SHTN1: variants seen among roughly 807,000 people sequenced by gnomAD.
SHTN1 encodes shootin-1.
A neutral mutation model predicts 83.1 loss-of-function variants in SHTN1; 42 were observed. The observed-to-expected ratio is 0.51, with a 90% CI of 0.39 to 0.65. The LOEUF is 0.65. Ranked by LOEUF, SHTN1 falls within the 30% of genes least tolerant of loss-of-function variation. The probability of loss-of-function intolerance (pLI) is 0.00; values close to 1 mark genes in which losing one functional copy is unlikely to be tolerated. For synonymous variants in SHTN1, 224 were observed against 247.7 expected, an observed-to-expected ratio of 0.90 and a Z score of 0.90; for missense variants, 622 against 737.8, an observed-to-expected ratio of 0.84 and a Z score of 1.82.
intron 15 of SHTN1, among the ~76,000 whole-genome samples, chr10:116,903,603 G>A (rs1423755170): frequency 6.6e-6 from 1 of 152,116 alleles, no homozygotes; most frequent in African/African-American, 2.4e-5. Context: ...TACGACAGAA[G>A]GGCAGAACAG....
intron 16 of SHTN1, among the ~76,000 whole-genome samples, chr10:116,897,123 A>G (rs1393405446): frequency 6.6e-6 from 1 of 152,114 alleles, no homozygotes; most frequent in Non-Finnish European, 1.5e-5. Context: ...GCCTGTGATC[A>G]GGTACTTCTA....
upstream of SHTN1, among the ~76,000 whole-genome samples, chr10:117,009,061 G>A (rs1479603484): frequency 6.6e-6 from 1 of 152,126 alleles, no homozygotes; most frequent in African/African-American, 2.4e-5. Context: ...GTTGCAATGA[G>A]CCGAGATCGT....
In SHTN1 at chr10:116,885,900, T is replaced by C. The variant is rs982700713; in HGVS notation, c.*444A>G. The stretch of plus-strand genomic sequence containing the variant: ...TTTCCATGCTGCTGCAGTTTCTCCA[T>C]CAAGAGGATCAGACCCAAAACAGAA... On this transcript the variant is annotated 3_prime_UTR_variant, in exon 17 of 17. Transcript: ENST00000355371. 51 of 163,926 alleles carry C rather than the reference T, an allele frequency of 3.1e-4. No homozygotes were observed. The highest frequency in any genetic ancestry group is 9.3e-5 in the Non-Finnish European group (7 of 75,264). The allele number at this position is 163,926 out of a possible 1,614,324, so 10.2% of individuals were successfully genotyped here.
At chr10:116,948,115 C>G (rs1388663771) in intron 7 of SHTN1, among the ~76,000 whole-genome samples, 1 of 152,260 alleles carries the variant, frequency 6.6e-6, no homozygotes, top group Admixed American at 6.5e-5. Context: ...GTTCTTCTTA[C>G]CACTTCCAGA....
In SHTN1 at chr10:117,051,204, G is replaced by A. The variant is rs568519627; in HGVS notation, c.-188-2694C>T. 2.6e-5 allele frequency among the ~76,000 whole-genome samples: 4 copies of A among 152,250 alleles called. No homozygotes were observed. The East Asian group carries it at 7.7e-4, about 29-fold the overall frequency. ...ACACAAACTACCACAACTGACTCAA[G>A]AAGAAATAGAAAATCTCAATAGACC... On this transcript the variant is annotated intron_variant, in intron 1 of 17. Coordinates refer to the SHTN1 transcript ENST00000392901.
chr10:117,014,976 T>C (rs1471902477), intron 2 of SHTN1, among the ~76,000 whole-genome samples: 1 of 152,214 alleles, frequency 6.6e-6, no homozygotes, highest in Non-Finnish European at 1.5e-5. Context: ...TGAAATCCAA[T>C]GGGAAAGTTG....
chr10:116,968,754 A>T, intron 2 of SHTN1, 42 bp from the exon 3 acceptor site: 1 of 1,525,930 alleles, frequency 6.6e-7, no homozygotes, highest in Non-Finnish European at 9.0e-7. Flanking sequence ...TTCAATCATA[A>T]ATTTTAAGTT....
intron 1 of SHTN1, among the ~76,000 whole-genome samples, chr10:117,101,570 G>A (rs967791013): frequency 1.3e-5 from 2 of 152,258 alleles, no homozygotes; most frequent in East Asian, 3.9e-4. Context: ...AGTGAAAGAA[G>A]GAGCAGATTC....
At position 116,996,188 on chromosome 10, in the gene SHTN1, A is replaced by G. The variant is rs375872450; in HGVS notation, c.58+8834T>C. Among the ~76,000 whole-genome samples, 4 of 152,340 alleles carry G rather than the reference A, an allele frequency of 2.6e-5. No individual in the cohort carries two copies. In the East Asian group the frequency reaches 5.8e-4, roughly 22 times the overall value. On this transcript the variant is annotated intron_variant, in intron 1 of 16. Coordinates refer to ENST00000355371, the MANE Select transcript of SHTN1 (RefSeq NM_001127211.3). ...GGAAAAATATTTTCAGAAAAATAAT[A>G]GTTCAGAAACTATAGTTCACCCATT...
chr10:117,123,939 C>T (rs1853967967), intron 1 of SHTN1, among the ~76,000 whole-genome samples: 2 of 149,206 alleles, frequency 1.3e-5, no homozygotes, highest in South Asian at 4.2e-4. Flanking sequence ...TGGCCAGGCA[C>T]GGTGACTCAT....
In SHTN1 at chr10:116,967,340, T is replaced by G. The variant is rs546853251; in HGVS notation, c.172+1312A>C. Among the ~76,000 whole-genome samples the G allele has an allele frequency of 4.0e-3, 604 of 152,332 alleles. 7 individuals are homozygous for G. The highest frequency in any genetic ancestry group is 0.014 in the African/African-American group (573 of 41,584). On this transcript the variant is annotated intron_variant, in intron 3 of 16. Transcript: ENST00000355371. ...AGTACAGCTTTTGTGGGAATGTAAC[T>G]TTCTTCAGTGAGAGGGCTATTTCAA...
chr10:116,955,277 A>G (rs1336815580), intron 4 of SHTN1, among the ~76,000 whole-genome samples: 1 of 152,206 alleles, frequency 6.6e-6, no homozygotes, highest in African/African-American at 2.4e-5. Flanking sequence ...GGATGTTCCA[A>G]TGTCCACAGA....
At chr10:117,086,924 A>G (rs1853360714) in intron 1 of SHTN1, among the ~76,000 whole-genome samples, 1 of 152,238 alleles carries the variant, frequency 6.6e-6, no homozygotes, top group Non-Finnish European at 1.5e-5. Flanking sequence ...TTTGCCATAA[A>G]AAGGAATGAA....
intron 1 of SHTN1, among the ~76,000 whole-genome samples, chr10:117,099,580 C>T (rs1300543169): frequency 6.6e-6 from 1 of 152,114 alleles, no homozygotes; most frequent in African/African-American, 2.4e-5. Flanking sequence ...CCAAAACTCA[C>T]ATTCTTTTCA....
intron 9 of SHTN1, among the ~76,000 whole-genome samples, chr10:116,940,265 C>T (rs966476526): frequency 1.3e-5 from 2 of 152,124 alleles, no homozygotes; most frequent in South Asian, 2.1e-4. Flanking sequence ...TCTATAATAG[C>T]GTATTACAAA....
chr10:117,016,780 G>T (rs554557890), intron 2 of SHTN1, among the ~76,000 whole-genome samples: 2 of 152,268 alleles, frequency 1.3e-5, no homozygotes, highest in African/African-American at 2.4e-5. Context: ...AGAAAGGAAG[G>T]CTAGAATGAA....
chr10:117,120,248 ATT>A (rs60258460), intron 1 of SHTN1, among the ~76,000 whole-genome samples: 9 of 139,928 alleles, frequency 6.4e-5, no homozygotes, highest in Admixed American at 1.4e-4. Context: ...CCATGATGTG[ATT>A]TTTTTTTTTT....
At chr10:117,088,719 T>C (rs1030514772) in intron 1 of SHTN1, among the ~76,000 whole-genome samples, 3 of 152,194 alleles carry the variant, frequency 2.0e-5, no homozygotes, top group Non-Finnish European at 4.4e-5. Context: ...CTGTTTACTT[T>C]GTAAGAATTC....
chr10:117,114,497 C>T (rs992877858), intron 1 of SHTN1, among the ~76,000 whole-genome samples: 11 of 152,096 alleles, frequency 7.2e-5, no homozygotes, highest in African/African-American at 2.7e-4. Context: ...ACTCCTGGAT[C>T]CAGACACTCT....
Sources: gnomAD v4.1 joint callset for allele counts (sites outside exome capture counted in the v4.1 genomes callset) on GRCh38, gnomAD v4.1.1 for gene constraint, MANE v1.5 for transcripts, NCBI Gene and HGNC (gene_info 2026-07-23, HGNC 2026-07-21) for gene names.